The following TYW1 variants were observed in gnomAD, a reference collection of about 807,000 sequenced individuals.
TYW1 encodes tRNA-yW synthesizing protein 1 homolog.
A neutral mutation model predicts 96.2 loss-of-function variants in TYW1; 46 were observed. The observed-to-expected ratio is 0.48, with a 90% CI of 0.38 to 0.61. The LOEUF is 0.61. Ranked by LOEUF, TYW1 falls within the 20% of genes least tolerant of loss-of-function variation. TYW1 has a pLI of 0.00. For synonymous variants in TYW1, 274 were observed against 323.0 expected, an observed-to-expected ratio of 0.85 and a Z score of 1.63; for missense variants, 684 against 909.6, an observed-to-expected ratio of 0.75 and a Z score of 3.19.
rs182739300 is a variant in TYW1, at chr7:67,009,892, C to T, written c.375+208C>T. 6 of 532,562 alleles carry T rather than the reference C, an allele frequency of 1.1e-5. No individual in the cohort carries two copies. The Admixed American group carries it at 1.2e-4, about 11-fold the overall frequency. The allele number at this position is 532,562 out of a possible 1,614,324, so 33.0% of individuals were successfully genotyped here. Reference sequence around the variant, plus strand: ...CTCACGTGGTGTGGGGCTTGTTCTTCAGGCATGTTAAATTCTCCTGGGGCA... The same window carrying T: ...CTCACGTGGTGTGGGGCTTGTTCTTTAGGCATGTTAAATTCTCCTGGGGCA... On this transcript the variant is annotated intron_variant, in intron 4 of 15. Transcript: ENST00000359626.
At chr7:67,053,037 G>C (rs1387116187) in intron 8 of TYW1, among the ~76,000 whole-genome samples, 4 of 151,064 alleles carry the variant, frequency 2.6e-5, no homozygotes, top group Non-Finnish European at 5.9e-5. Flanking sequence ...CACGGTGCCT[G>C]GCCTGGATAT....
At chr7:67,063,752 C>T (rs62466638) in intron 9 of TYW1, among the ~76,000 whole-genome samples, 6,087 of 152,040 alleles carry the variant, frequency 0.04, 180 homozygotes, top group Middle Eastern at 0.1. Context: ...TACAGGTGCC[C>T]GCCACCAAGC....
intron 13 of TYW1, among the ~76,000 whole-genome samples, chr7:67,126,681 T>C (rs1304085726): frequency 6.6e-6 from 1 of 152,182 alleles, no homozygotes; most frequent in East Asian, 1.9e-4. Context: ...TTTTTGCATG[T>C]GGATTTCTAG....
intron 15 of TYW1, among the ~76,000 whole-genome samples, chr7:67,221,932 TGA>T (rs1801404556): frequency 2.6e-5 from 4 of 151,986 alleles, no homozygotes; most frequent in Non-Finnish European, 5.9e-5. Flanking sequence ...GTGTGGTGGC[TGA>T]CGCCTGTAAT....
At chr7:67,011,785 A>G (rs1036649654) in intron 4 of TYW1, among the ~76,000 whole-genome samples, 2 of 151,436 alleles carry the variant, frequency 1.3e-5, no homozygotes, top group African/African-American at 4.8e-5. Flanking sequence ...AGGCAGGAGA[A>G]TTGCTTGAAC....
intron 15 of TYW1, among the ~76,000 whole-genome samples, chr7:67,213,831 G>A (rs1011159105): frequency 2.0e-5 from 3 of 152,158 alleles, no homozygotes; most frequent in Non-Finnish European, 2.9e-5. Flanking sequence ...CTGTATTTGT[G>A]TGAATCTATT....
chr7:67,048,318 G>C (rs1173879395), intron 7 of TYW1, among the ~76,000 whole-genome samples: 2 of 150,766 alleles, frequency 1.3e-5, no homozygotes, highest in African/African-American at 4.9e-5. Context: ...TATTCACCTG[G>C]GGGCTGGATG....
At chr7:67,226,171 A>G (rs1801555481) in intron 15 of TYW1, among the ~76,000 whole-genome samples, 1 of 152,212 alleles carries the variant, frequency 6.6e-6, no homozygotes, top group Admixed American at 6.5e-5. Flanking sequence ...ATTCTTGGGT[A>G]TAGACTGAAC....
At chr7:67,038,802 G>A (rs1267671543) in intron 7 of TYW1, among the ~76,000 whole-genome samples, 5 of 152,118 alleles carry the variant, frequency 3.3e-5, no homozygotes, top group Non-Finnish European at 5.9e-5. Context: ...TACTCGGGAG[G>A]TTGAGACAGG....
At chr7:67,115,123 T>G (rs543664219) in intron 12 of TYW1, among the ~76,000 whole-genome samples, 1 of 152,218 alleles carries the variant, frequency 6.6e-6, no homozygotes, top group South Asian at 2.1e-4. Context: ...TAATCTTAAG[T>G]AGTTATGGAA....
intron 10 of TYW1, among the ~76,000 whole-genome samples, chr7:67,072,901 C>A (rs931956636): frequency 1.3e-5 from 2 of 148,934 alleles, no homozygotes; most frequent in African/African-American, 5.0e-5. Context: ...TTGAGTAACT[C>A]CAGCTACAGG....
intron 14 of TYW1, among the ~76,000 whole-genome samples, chr7:67,186,589 G>C (rs549585892): frequency 1.4e-4 from 21 of 151,970 alleles, no homozygotes; most frequent in Non-Finnish European, 2.8e-4. Flanking sequence ...CTGGGCTCAA[G>C]TGATCCTCCC....
At chr7:67,147,681 G>T (rs558302649) in intron 13 of TYW1, among the ~76,000 whole-genome samples, 2 of 152,126 alleles carry the variant, frequency 1.3e-5, no homozygotes, top group East Asian at 3.9e-4. Context: ...GTGGTATTTG[G>T]TTTTCCATTC....
At chr7:67,027,658 C>T (rs575699289) in intron 7 of TYW1, among the ~76,000 whole-genome samples, 4 of 152,212 alleles carry the variant, frequency 2.6e-5, no homozygotes, top group African/African-American at 9.6e-5. Context: ...CCTGCAGGCG[C>T]GGTGGCTCAC....
intron 7 of TYW1, among the ~76,000 whole-genome samples, chr7:67,049,000 C>G (rs1193770398): frequency 6.6e-6 from 1 of 152,160 alleles, no homozygotes; most frequent in Admixed American, 6.5e-5. Context: ...GGTGACAAAG[C>G]GAGACTCTGT....
chr7:67,203,181 T>C (rs543623023), intron 15 of TYW1, among the ~76,000 whole-genome samples: 1 of 152,358 alleles, frequency 6.6e-6, no homozygotes, highest in Non-Finnish European at 1.5e-5. Context: ...CCTCCATCTC[T>C]GTAGTTTCCT....
chr7:67,230,698 G>T (rs1172328468), intron 15 of TYW1, among the ~76,000 whole-genome samples: 1 of 141,590 alleles, frequency 7.1e-6, no homozygotes, highest in African/African-American at 2.8e-5. Flanking sequence ...TGTCCCCCAG[G>T]CTGGAGTGCA....
At chr7:67,106,631 C>A (rs946200818) in intron 12 of TYW1, among the ~76,000 whole-genome samples, 1 of 152,240 alleles carries the variant, frequency 6.6e-6, no homozygotes, top group Non-Finnish European at 1.5e-5. Context: ...TCTCCCACTT[C>A]ATGAGTGTGC....
At chr7:67,133,379 G>A (rs1345373310) in intron 13 of TYW1, among the ~76,000 whole-genome samples, 1 of 152,098 alleles carries the variant, frequency 6.6e-6, no homozygotes, top group Non-Finnish European at 1.5e-5. Context: ...CTGGCCTCAA[G>A]TGATCCTCCT....
Sources: gnomAD v4.1 joint callset for allele counts (sites outside exome capture counted in the v4.1 genomes callset) on GRCh38, gnomAD v4.1.1 for gene constraint, MANE v1.5 for transcripts, NCBI Gene and HGNC (gene_info 2026-07-23, HGNC 2026-07-21) for gene names.